The following SORCS3 variants were observed in gnomAD, a reference collection of about 807,000 sequenced individuals.
SORCS3 encodes the protein sortilin related VPS10 domain containing receptor 3.
Under a neutral mutation model 146.3 loss-of-function variants are expected in SORCS3, and 57 were observed. The observed-to-expected ratio is 0.39, with a 90% CI of 0.31 to 0.49. The LOEUF (loss-of-function observed/expected upper bound fraction) is 0.49, where lower values mean the gene tolerates loss of function less well. Among genes scored for constraint, SORCS3 ranks in the 20% least tolerant of loss-of-function variants. The pLI is 0.92. For synonymous variants in SORCS3, 653 were observed against 618.5 expected, an observed-to-expected ratio of 1.06 and a Z score of -0.83; for missense variants, 1,341 against 1,575.5, an observed-to-expected ratio of 0.85 and a Z score of 2.52.
At chr10:104,697,046 T>C (rs1457035639) in intron 1 of SORCS3, among the ~76,000 whole-genome samples, 2 of 151,858 alleles carry the variant, frequency 1.3e-5, no homozygotes, top group Non-Finnish European at 2.9e-5. Context: ...GGATCTAATG[T>C]CCAGCATGGG....
intron 11 of SORCS3, among the ~76,000 whole-genome samples, chr10:105,162,404 A>C (rs1019424259): frequency 5.3e-5 from 8 of 152,124 alleles, no homozygotes; most frequent in Middle Eastern, 3.4e-3. Flanking sequence ...ACTCTAGCTG[A>C]GCTCCAATTC....
At position 104,815,682 on chromosome 10, in the gene SORCS3, G is replaced by T. The variant is rs540370813; in HGVS notation, c.628-27110G>T. The stretch of plus-strand genomic sequence containing the variant: ...CTAAATAGACACACTTTTTTTTAAG[G>T]TAGGCTTCAGGCAAAATCAATACAT... On this transcript the variant is annotated intron_variant, in intron 1 of 26. Transcript: ENST00000369701. 3.3e-5 allele frequency among the ~76,000 whole-genome samples: 5 copies of T among 151,824 alleles called. No individual in the cohort carries two copies. The East Asian group carries it at 9.7e-4, about 29-fold the overall frequency.
intron 4 of SORCS3, among the ~76,000 whole-genome samples, chr10:104,987,135 A>G (rs2054966820): frequency 6.6e-6 from 1 of 152,114 alleles, no homozygotes; most frequent in African/African-American, 2.4e-5. Flanking sequence ...ACTTTTAAAT[A>G]CAAGTATGCA....
At position 104,970,899 on chromosome 10, in the gene SORCS3, T is replaced by C. The variant is rs982666858; in HGVS notation, c.796-6436T>C. Among the ~76,000 whole-genome samples the C allele has an allele frequency of 5.9e-5, 9 of 152,322 alleles. No individual in the cohort carries two copies. In the East Asian group the frequency reaches 1.2e-3, roughly 20 times the overall value. On this transcript the variant is annotated intron_variant, in intron 3 of 26. Coordinates refer to ENST00000369701, the MANE Select transcript of SORCS3 (RefSeq NM_014978.3). ...GTTAACACTTTTATTTTATAAGGTA[T>C]GGAAATTTAGGGGGCTATATTTTAT...
At chr10:104,855,556 G>A (rs1402157909) in intron 2 of SORCS3, among the ~76,000 whole-genome samples, 1 of 152,094 alleles carries the variant, frequency 6.6e-6, no homozygotes, top group East Asian at 1.9e-4. Context: ...ACTTATTTAA[G>A]TATTTCACTT....
intron 5 of SORCS3, among the ~76,000 whole-genome samples, chr10:105,059,194 TCC>T (rs1373610905): frequency 6.6e-6 from 1 of 151,978 alleles, no homozygotes; most frequent in East Asian, 1.9e-4. Context: ...ACAAACTGGT[TCC>T]CCCTTATCAA....
At chr10:104,677,359 T>A (rs2015922698) in intron 1 of SORCS3, among the ~76,000 whole-genome samples, 2 of 152,242 alleles carry the variant, frequency 1.3e-5, no homozygotes, top group Non-Finnish European at 2.9e-5. Context: ...TTGTCTGAAT[T>A]AGGATGGTTC....
chr10:104,703,338 AG>A, intron 1 of SORCS3, among the ~76,000 whole-genome samples: 1 of 152,226 alleles, frequency 6.6e-6, no homozygotes, highest in Non-Finnish European at 1.5e-5. Flanking sequence ...TCCCAACAAC[AG>A]TGTACAAGCA....
chr10:105,168,433 G>A (rs1181252971), intron 13 of SORCS3, among the ~76,000 whole-genome samples: 1 of 152,120 alleles, frequency 6.6e-6, no homozygotes, highest in Non-Finnish European at 1.5e-5. Flanking sequence ...ATGCCCTGAA[G>A]GGAAAGAATT....
chr10:104,763,142 A>G (rs1391300821), intron 1 of SORCS3, among the ~76,000 whole-genome samples: 1 of 152,206 alleles, frequency 6.6e-6, no homozygotes, highest in Non-Finnish European at 1.5e-5. Flanking sequence ...TCATACCCCA[A>G]ACCTGCTGAA....
chr10:105,116,610 A>G (rs2055895176), intron 7 of SORCS3, among the ~76,000 whole-genome samples: 1 of 152,180 alleles, frequency 6.6e-6, no homozygotes, highest in Non-Finnish European at 1.5e-5. Context: ...CTTTGTTCAC[A>G]GTAGTAAAGA....
chr10:105,071,820 A>G (rs2055558375), intron 5 of SORCS3, among the ~76,000 whole-genome samples: 1 of 152,212 alleles, frequency 6.6e-6, no homozygotes, highest in Non-Finnish European at 1.5e-5. Flanking sequence ...ATCCCCATCT[A>G]TAGATGAGGA....
chr10:104,983,286 A>C (rs956931068), intron 4 of SORCS3, among the ~76,000 whole-genome samples: 2 of 151,254 alleles, frequency 1.3e-5, no homozygotes, highest in Admixed American at 1.3e-4. Flanking sequence ...ACAGGTGTGA[A>C]CCATGCACCG....
intron 2 of SORCS3, among the ~76,000 whole-genome samples, chr10:104,867,107 C>T (rs1160092925): frequency 6.6e-6 from 1 of 151,938 alleles, no homozygotes; most frequent in Non-Finnish European, 1.5e-5. Context: ...CTAATGGGGA[C>T]AACAGACAGT....
chr10:104,940,230 ATATATATATTTTT>A (rs1411585236), intron 3 of SORCS3, among the ~76,000 whole-genome samples: 447 of 23,888 alleles, frequency 0.019, 2 homozygotes, highest in African/African-American at 0.07. Flanking sequence ...ATATATATAT[ATATATATATTTTT>A]TTTTTTTTTT....
intron 3 of SORCS3, among the ~76,000 whole-genome samples, chr10:104,959,471 G>T (rs1307700170): frequency 6.6e-6 from 1 of 152,050 alleles, no homozygotes; most frequent in Non-Finnish European, 1.5e-5. Context: ...AAGGAAGCAG[G>T]CTCTCATCAG....
At chr10:105,009,966 A>T (rs2055123745) in intron 4 of SORCS3, among the ~76,000 whole-genome samples, 1 of 152,162 alleles carries the variant, frequency 6.6e-6, no homozygotes, top group South Asian at 2.1e-4. Context: ...CTTTATACAG[A>T]TGAGGAGATA....
chr10:104,751,970 A>AG (rs2016993397), intron 1 of SORCS3, among the ~76,000 whole-genome samples: 1 of 51,942 alleles, frequency 1.9e-5, no homozygotes, highest in Non-Finnish European at 4.9e-5. Context: ...TATATATATA[A>AG]TAGTTTAGCA....
chr10:104,887,327 C>G (rs942516386), intron 2 of SORCS3, among the ~76,000 whole-genome samples: 1 of 147,096 alleles, frequency 6.8e-6, no homozygotes, highest in African/African-American at 2.7e-5. Flanking sequence ...AGAGGACATA[C>G]TAGAAAGAGG....
Sources: allele counts gnomAD v4.1 joint callset (sites outside exome capture counted in the v4.1 genomes callset), GRCh38; gene constraint gnomAD v4.1.1; transcripts MANE v1.5; gene names NCBI Gene and HGNC (gene_info 2026-07-23, HGNC 2026-07-21).